Variants in VTCN1 observed in about 807,000 individuals in gnomAD.
VTCN1 encodes V-set domain-containing T-cell activation inhibitor 1.
VTCN1 carries 26 observed loss-of-function variants against 26.5 expected under a neutral mutation model. That is an observed-to-expected ratio of 0.98 (90% CI 0.72 to 1.36). The LOEUF is 1.36. Ranked by LOEUF, VTCN1 falls within the 40% of genes most tolerant of loss-of-function variation. The probability of loss-of-function intolerance (pLI) is 0.00; values close to 1 mark genes in which losing one functional copy is unlikely to be tolerated. For missense variants in VTCN1, 298 were observed against 337.7 expected (o/e 0.88, Z 0.92); for synonymous variants, 116 against 130.7 (o/e 0.89, Z 0.77).
chr1:117,168,879 A>C lies in VTCN1; in HGVS notation c.97+1228T>G, dbSNP rs577339286. ...CATAGTGCTGGGATTATAGGCGTGA[A>C]CCACCACAACTGGCCTAAAAAATAT... On this transcript the variant is annotated intron_variant, in intron 2 of 5. Transcript: ENST00000369458. Among the ~76,000 whole-genome samples the C allele has an allele frequency of 4.6e-5, 7 of 152,246 alleles. No homozygotes were observed. The South Asian group carries it at 1.4e-3, about 32-fold the overall frequency.
rs1331155016 is a variant in VTCN1 at position 117,146,626 on chromosome 1, G to A, written c.*45+987C>T. 5.3e-5 allele frequency among the ~76,000 whole-genome samples: 8 copies of A among 152,192 alleles called. No homozygotes were observed. The South Asian group carries it at 1.7e-3, about 31-fold the overall frequency. ...TAGAGAAGATTTCCAGGAAAAGACA[G>A]TGAGGGAGGGAGCAAGACCAGAAAG... On this transcript the variant is annotated intron_variant, in intron 5 of 5. Transcript: ENST00000369458. This position sits in a 1 kb window ranked among gnomAD's most constrained non-coding sequence, Gnocchi z 4.2.
intron 2 of VTCN1, among the ~76,000 whole-genome samples, chr1:117,162,894 C>T (rs74750088): frequency 3.0e-4 from 45 of 152,268 alleles, no homozygotes; most frequent in African/African-American, 9.6e-4. Context: ...CAGCCCACAG[C>T]GCTGGATAAA....
At chr1:117,181,253 CA>C (rs5777301) in intron 1 of VTCN1, among the ~76,000 whole-genome samples, 19,169 of 126,864 alleles carry the variant, frequency 0.15, 1,205 homozygotes, top group African/African-American at 0.18. Flanking sequence ...CCTGTCTTTA[CA>C]AAAAAAAAAA....
rs371571944 is a variant in VTCN1 at position 117,147,225 on chromosome 1, G to A, written c.*45+388C>T. 2.8e-4 allele frequency among the ~76,000 whole-genome samples: 43 copies of A among 152,262 alleles called. No homozygotes were observed. The highest frequency in any genetic ancestry group is 6.2e-4 in the South Asian group (3 of 4,822). The stretch of plus-strand genomic sequence containing the variant: ...CATCTGCCAACTGTCCACAGGGGCC[G>A]GCTGGAAGGGCAGGGAGGGGTTTTA... On this transcript the variant is annotated intron_variant, in intron 5 of 5. Coordinates refer to ENST00000369458, the MANE Select transcript of VTCN1 (RefSeq NM_024626.4). The surrounding 1 kb of genome is among the most constrained non-coding windows in gnomAD (Gnocchi z 4.6).
chr1:117,174,424 C>G (rs1463286720), intron 1 of VTCN1, among the ~76,000 whole-genome samples: 2 of 152,204 alleles, frequency 1.3e-5, no homozygotes, highest in African/African-American at 4.8e-5. Flanking sequence ...GTGACATACA[C>G]ACAAACCTTT....
At position 117,175,109 on chromosome 1, in the gene VTCN1, T is replaced by A. The variant is rs1370836955; in HGVS notation, c.33-4938A>T. Among the ~76,000 whole-genome samples the A allele has an allele frequency of 6.6e-6, 1 of 152,212 alleles. No homozygotes were observed. The highest frequency in any genetic ancestry group is 2.4e-5 in the African/African-American group (1 of 41,456). ...TCAGCTGCTGCTGCCTTCTGCAGCA[T>A]GTGAAAGAAATTGGGCCTTTGTTAA... On this transcript the variant is annotated intron_variant, in intron 1 of 5. Coordinates refer to ENST00000369458, the MANE Select transcript of VTCN1 (RefSeq NM_024626.4). The surrounding 1 kb of genome is among the most constrained non-coding windows in gnomAD (Gnocchi z 4.2).
chr1:117,180,000 T>C (rs1647592381), intron 1 of VTCN1, among the ~76,000 whole-genome samples: 1 of 152,194 alleles, frequency 6.6e-6, no homozygotes, highest in South Asian at 2.1e-4. Flanking sequence ...ATATTTTATA[T>C]TAATCAAAAG....
At chr1:117,190,142 A>G (rs1648174203) in intron 1 of VTCN1, among the ~76,000 whole-genome samples, 1 of 152,200 alleles carries the variant, frequency 6.6e-6, no homozygotes, top group South Asian at 2.1e-4. Flanking sequence ...ACCCAGTGCT[A>G]GTCCCTCTCT....
chr1:117,178,750 C>T (rs549073156), intron 1 of VTCN1, among the ~76,000 whole-genome samples: 21 of 151,978 alleles, frequency 1.4e-4, no homozygotes, highest in African/African-American at 4.1e-4. Context: ...TGTGCCACGA[C>T]GCTCAGCTAA....
At position 117,199,387 on chromosome 1, in the gene VTCN1, G is replaced by A. The variant is rs918653620; in HGVS notation, c.32+11437C>T. On this transcript the variant is annotated intron_variant, in intron 1 of 5. Transcript: ENST00000369458. Reference sequence around the variant, plus strand: ...GTCTCCCAGGTTGGAGTGCAATGGCGCGATCTCTGCTCACTGCAAACTCTG... The same window carrying A: ...GTCTCCCAGGTTGGAGTGCAATGGCACGATCTCTGCTCACTGCAAACTCTG... 1.4e-4 allele frequency among the ~76,000 whole-genome samples: 22 copies of A among 152,044 alleles called. 1 individual carries two copies. The highest frequency in any genetic ancestry group is 7.9e-4 in the Admixed American group (12 of 15,262).
intron 4 of VTCN1, among the ~76,000 whole-genome samples, chr1:117,149,994 C>T (rs1651709111): frequency 6.6e-6 from 1 of 152,216 alleles, no homozygotes; most frequent in Non-Finnish European, 1.5e-5. Flanking sequence ...AAAAGGTGTG[C>T]TCAATGTCTA....
At chr1:117,198,730 A>G (rs1322711703) in intron 1 of VTCN1, among the ~76,000 whole-genome samples, 1 of 152,240 alleles carries the variant, frequency 6.6e-6, no homozygotes, top group Non-Finnish European at 1.5e-5. Flanking sequence ...TATAACAATG[A>G]GACGGCAGTC....
chr1:117,167,953 A>G lies in VTCN1; in HGVS notation c.97+2154T>C, dbSNP rs1258212683. 7.2e-5 allele frequency among the ~76,000 whole-genome samples: 11 copies of G among 152,122 alleles called. No individual in the cohort carries two copies. On this transcript the variant is annotated intron_variant, in intron 2 of 5. Coordinates refer to ENST00000369458, the MANE Select transcript of VTCN1 (RefSeq NM_024626.4). The surrounding 1 kb of genome is among the most constrained non-coding windows in gnomAD (Gnocchi z 4.1). ...GTATATGAGAGAGAGAGAAAGAGAG[A>G]GCAGAAGAAAGAAAAAGAGAAAGAG...
chr1:117,163,894 AAT>A (rs1417107136), intron 2 of VTCN1, among the ~76,000 whole-genome samples: 2 of 152,200 alleles, frequency 1.3e-5, no homozygotes, highest in African/African-American at 4.8e-5. Flanking sequence ...GGACAGATCA[AAT>A]ATTTTCTAAA....
chr1:117,177,894 T>C (rs1479027478), intron 1 of VTCN1, among the ~76,000 whole-genome samples: 4 of 150,674 alleles, frequency 2.7e-5, no homozygotes, highest in African/African-American at 9.8e-5. Flanking sequence ...CAGGGAAGAG[T>C]GCCACCACTA....
chr1:117,184,814 T>A (rs2101564840), intron 1 of VTCN1, among the ~76,000 whole-genome samples: 1 of 152,250 alleles, frequency 6.6e-6, no homozygotes. Flanking sequence ...ACCAAGCGTG[T>A]TGTGTTTCAA....
intron 1 of VTCN1, among the ~76,000 whole-genome samples, chr1:117,205,327 G>T (rs1043620233): frequency 1.3e-5 from 2 of 151,838 alleles, no homozygotes; most frequent in African/African-American, 4.8e-5. Flanking sequence ...GTTGATTTTT[G>T]TATTTTTTGT....
intron 2 of VTCN1, among the ~76,000 whole-genome samples, chr1:117,162,824 TGAAGTG>T (rs1431670249): frequency 6.6e-6 from 1 of 152,116 alleles, no homozygotes; most frequent in Non-Finnish European, 1.5e-5. Context: ...AGGAATATCT[TGAAGTG>T]GGGGTATAGG....
chr1:117,145,419 A>T lies in VTCN1; in HGVS notation c.*46-194T>A, dbSNP rs980068266. 6.6e-6 allele frequency among the ~76,000 whole-genome samples: 1 copy of T among 152,112 alleles called. No individual in the cohort carries two copies. Among genetic ancestry groups the T allele is most frequent in the Non-Finnish European group, 1.5e-5 (1 of 68,030 alleles). Reference sequence around the variant, plus strand: ...TGCTGGGGAAAAAGAGATGGCTTGAATCTCTCCTTAACGGGGTATCATCCC... The same window carrying T: ...TGCTGGGGAAAAAGAGATGGCTTGATTCTCTCCTTAACGGGGTATCATCCC... On this transcript the variant is annotated intron_variant, in intron 5 of 5. Coordinates refer to ENST00000369458, the MANE Select transcript of VTCN1 (RefSeq NM_024626.4). The surrounding 1 kb of genome is among the most constrained non-coding windows in gnomAD (Gnocchi z 4.6).
Sources: allele counts gnomAD v4.1 joint callset (sites outside exome capture counted in the v4.1 genomes callset), GRCh38; gene constraint gnomAD v4.1.1; non-coding constraint Gnocchi (gnomAD v3.1); transcripts MANE v1.5; gene names NCBI Gene and HGNC (gene_info 2026-07-23, HGNC 2026-07-21).